The following ARHGEF38 variants were observed in gnomAD, a reference collection of about 807,000 sequenced individuals.
ARHGEF38 encodes the protein Rho guanine nucleotide exchange factor (GEF) 38.
ARHGEF38 carries 79 observed loss-of-function variants against 79.9 expected under a neutral mutation model. The observed-to-expected ratio is 0.99, with a 90% CI of 0.82 to 1.19. The LOEUF (loss-of-function observed/expected upper bound fraction) is 1.19, where lower values mean the gene tolerates loss of function less well. Among genes scored for constraint, ARHGEF38 ranks in the 50% most tolerant of loss-of-function variants. ARHGEF38 has a pLI of 0.00. For synonymous variants in ARHGEF38, 366 were observed against 328.3 expected (o/e 1.11, Z -1.24); for missense variants, 962 against 907.2 (o/e 1.06, Z -0.78).
At chr4:105,636,529 C>T (rs1729404756) in intron 5 of ARHGEF38, 109 bp downstream of exon 5, 1 of 193,742 alleles carries the variant, frequency 5.2e-6, no homozygotes, top group South Asian at 1.7e-4. Flanking sequence ...ATGAGTATTG[C>T]TTTTAATAAT....
At chr4:105,619,824 C>T (rs1250243939) in intron 3 of ARHGEF38, among the ~76,000 whole-genome samples, 1 of 152,112 alleles carries the variant, frequency 6.6e-6, no homozygotes, top group Non-Finnish European at 1.5e-5. Context: ...ATTACTAAAC[C>T]TTTTACCAAA....
In ARHGEF38 at chr4:105,659,365, G is replaced by T. The variant is rs1023995360; in HGVS notation, c.1545G>T (p.Pro515=). The T allele has an allele frequency of 6.5e-6, 10 of 1,532,154 alleles. No homozygotes were observed. The highest frequency in any genetic ancestry group is 1.4e-5 in the African/African-American group (1 of 72,922). 94.9% of individuals were successfully genotyped at this position (1,532,154 alleles called of 1,614,324 possible). The change falls in exon 10 of 14, where the codon CCG becomes CCT. Residue 515 remains proline, a splice_region_variant and synonymous_variant. Transcript: ENST00000420470. ...AGCAGGCTTACTCCACACTTGTGCC[G>T]GTAAGCACAGCACCAACACCTAGCT... ...VAQQAYSTLV[P]MPLLVSSISE...
At chr4:105,596,518 C>T (rs1204123500) in intron 2 of ARHGEF38, among the ~76,000 whole-genome samples, 1 of 152,022 alleles carries the variant, frequency 6.6e-6, no homozygotes, top group Non-Finnish European at 1.5e-5. Flanking sequence ...TATAGATGTA[C>T]TATAATAATA....
Position 105,552,925 on chromosome 4 carries a change from C to T in ARHGEF38, c.160C>T (p.Gln54Ter), listed in dbSNP as rs528842275. 6.2e-7 allele frequency: 1 copy of T among 1,613,026 alleles called. No individual in the cohort carries two copies. The highest frequency in any genetic ancestry group is 1.3e-5 in the African/African-American group (1 of 74,960). Residue 54 changes from glutamine to a stop codon, truncating the protein, a stop_gained, in exon 1 of 14, where the codon CAA becomes TAA. Transcript: ENST00000420470. LOFTEE classifies it high-confidence loss of function. ...CCACTCTGGCACCTTGAGGAGGAGC[C>T]AATCTGACAGGACCGAATACAACCA... ...GDHSGTLRRS[Q>*]SDRTEYNQKL...
chr4:105,604,967 T>A (rs977049990), intron 2 of ARHGEF38, among the ~76,000 whole-genome samples: 2 of 152,202 alleles, frequency 1.3e-5, no homozygotes, highest in African/African-American at 4.8e-5. Flanking sequence ...ATCATAGTGT[T>A]TAGTCTATGC....
intron 2 of ARHGEF38, among the ~76,000 whole-genome samples, chr4:105,597,319 C>A (rs1727626212): frequency 6.6e-6 from 1 of 152,146 alleles, no homozygotes; most frequent in African/African-American, 2.4e-5. Flanking sequence ...AAGCAAATAT[C>A]TTTGGGAATG....
chr4:105,649,693 G>T (rs970701539), intron 7 of ARHGEF38, among the ~76,000 whole-genome samples: 5 of 152,122 alleles, frequency 3.3e-5, no homozygotes, highest in Non-Finnish European at 5.9e-5. Flanking sequence ...GTTTCAGATG[G>T]CTTTGGCAGC....
rs1281850636 is a variant in ARHGEF38, at chr4:105,659,248, G to A, written c.1428G>A (p.Glu476=). 2 of 1,536,104 alleles carry A rather than the reference G, an allele frequency of 1.3e-6. No individual in the cohort carries two copies. The highest frequency in any genetic ancestry group is 3.9e-5 in the Admixed American group (2 of 50,988). Residue 476 remains glutamate (E), a synonymous_variant, in exon 10 of 14, where the codon GAG becomes GAA. Coordinates refer to ENST00000420470, the MANE Select transcript of ARHGEF38 (RefSeq NM_001242729.2). ...YEALNAQLVE[E]LQAFNQAARK... ...CCCTCAACGCCCAGCTTGTGGAGGA[G>A]CTCCAGGCATTCAACCAGGCTGCTC...
At position 105,604,712 on chromosome 4, in the gene ARHGEF38, T is replaced by A. The variant is rs149914514; in HGVS notation, c.385-8672T>A. On this transcript the variant is annotated intron_variant, in intron 2 of 13. Coordinates refer to ENST00000420470, the MANE Select transcript of ARHGEF38 (RefSeq NM_001242729.2). ...ATGAGTATTGCTATAAGCTCTCAGT[T>A]TGAGTATGTACAGGAAGAAGAAATA... Among the ~76,000 whole-genome samples the A allele has an allele frequency of 4.6e-5, 7 of 152,230 alleles. No individual in the cohort carries two copies. The East Asian group carries it at 1.4e-3, about 29-fold the overall frequency.
rs141244155 is a variant in ARHGEF38, at chr4:105,585,758, G to A, written c.197-3490G>A. On this transcript the variant is annotated intron_variant, in intron 1 of 13. Coordinates refer to ENST00000420470, the MANE Select transcript of ARHGEF38 (RefSeq NM_001242729.2). ...TTTTTTTTTTTTTTTTTGAGATGGA[G>A]TCTCCTTCTGTCACCCAGGCTGAAG... 3.8e-3 allele frequency among the ~76,000 whole-genome samples: 241 copies of A among 63,642 alleles called. 2 individuals are homozygous for A. The highest frequency in any genetic ancestry group is 0.015 in the African/African-American group (233 of 16,000). 41.8% of individuals were successfully genotyped at this position (63,642 alleles called of 152,430 possible).
In ARHGEF38 at chr4:105,631,114, G is replaced by A. The variant is rs1394004963; in HGVS notation, c.656+69G>A. The A allele has an allele frequency of 1.7e-5, 26 of 1,516,218 alleles. No individual in the cohort carries two copies. In the Admixed American group the frequency reaches 4.5e-4, roughly 26 times the overall value. The allele number at this position is 1,516,218 out of a possible 1,614,324, so 93.9% of individuals were successfully genotyped here. On this transcript the variant is annotated intron_variant, in intron 4 of 13. Transcript: ENST00000420470. ...CTAGCAGGGAACATTTTAAATGGATGTAGATGAAAGGTCTCACATAAATCC... is the reference window on the plus strand; with the variant it reads ...CTAGCAGGGAACATTTTAAATGGATATAGATGAAAGGTCTCACATAAATCC...
intron 4 of ARHGEF38, among the ~76,000 whole-genome samples, chr4:105,634,391 T>C (rs780425675): frequency 1.4e-4 from 22 of 152,184 alleles, no homozygotes; most frequent in Non-Finnish European, 2.8e-4. Context: ...AGCAAGTTTT[T>C]ATTTATTCAA....
chr4:105,661,233 A>G (rs186346088), intron 10 of ARHGEF38, among the ~76,000 whole-genome samples: 1 of 152,234 alleles, frequency 6.6e-6, no homozygotes. Context: ...TCGTCAGTTG[A>G]CGGGCATTTG....
At chr4:105,623,988 C>T (rs1376062777) in intron 3 of ARHGEF38, among the ~76,000 whole-genome samples, 5 of 152,236 alleles carry the variant, frequency 3.3e-5, no homozygotes, top group South Asian at 2.1e-4. Flanking sequence ...CATTGTCTTC[C>T]CTGGCACTGG....
At chr4:105,646,116 C>A (rs1729829207) in intron 6 of ARHGEF38, among the ~76,000 whole-genome samples, 1 of 152,030 alleles carries the variant, frequency 6.6e-6, no homozygotes, top group South Asian at 2.1e-4. Context: ...GACATTAAAG[C>A]CACAGCAGGA....
chr4:105,614,437 A>C (rs1331937555), intron 3 of ARHGEF38, among the ~76,000 whole-genome samples: 1 of 152,176 alleles, frequency 6.6e-6, no homozygotes, highest in Non-Finnish European at 1.5e-5. Context: ...ACACACAAAC[A>C]CTTTATGTCT....
chr4:105,660,779 C>T (rs1560755219), intron 10 of ARHGEF38, among the ~76,000 whole-genome samples: 1 of 152,180 alleles, frequency 6.6e-6, no homozygotes, highest in African/African-American at 2.4e-5. Context: ...TAGTAACTTA[C>T]TGCATGGCTG....
intron 1 of ARHGEF38, among the ~76,000 whole-genome samples, chr4:105,587,608 C>T (rs1289441697): frequency 2.0e-5 from 3 of 152,110 alleles, no homozygotes; most frequent in Admixed American, 1.3e-4. Flanking sequence ...CTACAGGAGT[C>T]CGCCACCACG....
At chr4:105,624,500 T>G (rs1007477791) in intron 3 of ARHGEF38, among the ~76,000 whole-genome samples, 9 of 152,188 alleles carry the variant, frequency 5.9e-5, no homozygotes, top group African/African-American at 1.9e-4. Context: ...GGTTTGAATA[T>G]TATAACCCTA....
Sources: allele counts gnomAD v4.1 joint callset (sites outside exome capture counted in the v4.1 genomes callset), GRCh38; gene constraint gnomAD v4.1.1; transcripts MANE v1.5; gene names NCBI Gene and HGNC (gene_info 2026-07-23, HGNC 2026-07-21).